The following EI24 variants were observed in gnomAD, a reference collection of about 807,000 sequenced individuals.
EI24 encodes the protein etoposide-induced protein 2.4 homolog.
In EI24, 21 loss-of-function variants were observed where a neutral mutation model predicts 48.6. The ratio of observed to expected loss-of-function variants is 0.43; its 90% confidence interval spans 0.31 to 0.62. The LOEUF (loss-of-function observed/expected upper bound fraction) is 0.62, where lower values mean the gene tolerates loss of function less well. Ranked by LOEUF, EI24 falls within the 20% of genes least tolerant of loss-of-function variation. EI24 has a pLI of 0.10. For synonymous variants in EI24, 114 were observed against 145.5 expected, an observed-to-expected ratio of 0.78 and a Z score of 1.56; for missense variants, 280 against 410.5, an observed-to-expected ratio of 0.68 and a Z score of 2.75.
Position 125,577,562 on chromosome 11 carries a change from G to A in EI24, c.308G>A (p.Arg103Gln), listed in dbSNP as rs751419166. ...CCTGTGCTTCAGTCGGTAACAGCCC[G>A]AATTATCGGTAAGTGTATACCCTGC... Reference protein sequence around the residue: ...FIPVLQSVTARIIGDPSLHGD... With the variant: ...FIPVLQSVTAQIIGDPSLHGD... Residue 103 changes from arginine to glutamine, a missense_variant, in exon 5 of 11, where the codon CGA becomes CAA. Physicochemically the swap from Arg to Gln is conservative, Grantham distance 43. Around this residue, in one of 3 missense-constraint regions of EI24, gnomAD observed 204 missense variants for 294.1 expected, o/e 0.69. Transcript: ENST00000278903. 2.5e-5 allele frequency: 40 copies of A among 1,613,432 alleles called. No homozygotes were observed. Among genetic ancestry groups the A allele is most frequent in the South Asian group, 5.5e-5 (5 of 91,050 alleles).
intron 3 of EI24, 91 bp downstream of exon 3, chr11:125,575,499 T>C: frequency 7.4e-7 from 1 of 1,354,742 alleles, no homozygotes; most frequent in Middle Eastern, 2.0e-4. Context: ...ATTTCTTTTG[T>C]GCTTTTTCCC....
rs1938864123 is a variant in EI24, at chr11:125,578,800, G to A, written c.442-149G>A. On this transcript the variant is annotated intron_variant, in intron 6 of 10. Coordinates refer to ENST00000278903, the MANE Select transcript of EI24 (RefSeq NM_004879.5). ...CCTACCTTAGCCTCCTGAGTAGCTGGGACTATAGGCACATGCCATCGTGCC... is the reference window on the plus strand; with the variant it reads ...CCTACCTTAGCCTCCTGAGTAGCTGAGACTATAGGCACATGCCATCGTGCC... 10 of 941,662 alleles carry A rather than the reference G, an allele frequency of 1.1e-5. No homozygotes were observed. The South Asian group carries it at 1.6e-4, about 15-fold the overall frequency. The allele number at this position is 941,662 out of a possible 1,614,324, so 58.3% of individuals were successfully genotyped here. A position where few individuals can be genotyped will look rare whatever the true frequency, so the allele number is the denominator to read the frequency against.
Position 125,581,182 on chromosome 11 carries a change from A to G in EI24, c.674-29A>G, listed in dbSNP as rs781027652. The G allele has an allele frequency of 5.4e-6, 8 of 1,494,490 alleles. No individual in the cohort carries two copies. The Admixed American group carries it at 1.4e-4, about 26-fold the overall frequency. 92.6% of individuals were successfully genotyped at this position (1,494,490 alleles called of 1,614,324 possible). On this transcript the variant is annotated intron_variant, in intron 8 of 10. Transcript: ENST00000278903. ...TCACTTGACTAAAAGGAAATATAAT[A>G]TCTAATTGTATTGGCTTTCTTGTTT...
At position 125,577,561 on chromosome 11, in the gene EI24, C is replaced by T; in HGVS notation, c.307C>T (p.Arg103Ter). 2.5e-6 allele frequency: 4 copies of T among 1,613,550 alleles called. No individual in the cohort carries two copies. Among genetic ancestry groups the T allele is most frequent in the Non-Finnish European group, 3.4e-6 (4 of 1,179,610 alleles). Residue 103 changes from arginine (R) to a stop codon, truncating the protein, a stop_gained, in exon 5 of 11, where the codon CGA (arginine) becomes TGA (stop). Transcript: ENST00000278903. LOFTEE classifies it high-confidence loss of function. Reference protein sequence around the residue: ...FIPVLQSVTARIIGDPSLHGD... With the variant: ...FIPVLQSVTA ...TCCTGTGCTTCAGTCGGTAACAGCC[C>T]GAATTATCGGTAAGTGTATACCCTG...
intron 2 of EI24, among the ~76,000 whole-genome samples, chr11:125,573,095 G>A (rs768607982): frequency 4.0e-5 from 6 of 151,582 alleles, no homozygotes; most frequent in East Asian, 1.9e-4. Context: ...AAGTAGAGAC[G>A]AAGTTTTGGC....
At chr11:125,574,229 G>A (rs560046297) in intron 2 of EI24, among the ~76,000 whole-genome samples, 1 of 151,732 alleles carries the variant, frequency 6.6e-6, no homozygotes, top group Non-Finnish European at 1.5e-5. Flanking sequence ...CTCCAGCCTG[G>A]GCGACAGAGT....
chr11:125,578,865 C>G (rs928528699), intron 6 of EI24, 84 bp from the exon 7 acceptor site: 3 of 1,456,878 alleles, frequency 2.1e-6, no homozygotes, highest in Non-Finnish European at 2.8e-6. Flanking sequence ...ACTGGCAGCT[C>G]TAGTGGCGGA....
chr11:125,575,880 C>G (rs945825461), intron 3 of EI24: 2 of 414,428 alleles, frequency 4.8e-6, no homozygotes, highest in Admixed American at 5.4e-5. Context: ...CCTCTGCCTC[C>G]CAGGTCCAAG....
At chr11:125,580,684 C>T (rs1247692043) in intron 8 of EI24, 1 of 156,924 alleles carries the variant, frequency 6.4e-6, no homozygotes, top group Admixed American at 6.1e-5. Context: ...TTCACTTAGC[C>T]TGTCAGCTTT....
chr11:125,577,388 C>G (rs1938792626), intron 4 of EI24, 116 bp from the exon 5 acceptor site: 2 of 1,044,140 alleles, frequency 1.9e-6, no homozygotes, highest in African/African-American at 3.2e-5. Context: ...CGCGCCCGGC[C>G]TAGGCCTCCT....
chr11:125,580,115 C>T lies in EI24; in HGVS notation c.584C>T (p.Pro195Leu), dbSNP rs914768960. 1.2e-6 allele frequency: 2 copies of T among 1,613,508 alleles called. No individual in the cohort carries two copies. Among genetic ancestry groups the T allele is most frequent in the African/African-American group, 1.3e-5 (1 of 74,926 alleles). Residue 195 changes from proline (P) to leucine (L), a missense_variant, in exon 8 of 11, where the codon CCC becomes CTC. By Grantham distance (98) the Pro-to-Leu change is moderately conservative. This residue lies in a region of EI24 where 204 missense variants were observed against 294.1 expected (regional missense o/e 0.69). Coordinates refer to ENST00000278903, the MANE Select transcript of EI24 (RefSeq NM_004879.5). ...LIQGMFVSLFPIHLVGQLVSL... is the reference protein window; with the variant it reads ...LIQGMFVSLFLIHLVGQLVSL... ...CAGGGAATGTTTGTGAGTCTCTTTC[C>T]CATCCATCTTGTCGGTCAGCTGGTT...
Position 125,581,247 on chromosome 11 carries a change from G to A in EI24, c.710G>A (p.Arg237Lys), listed in dbSNP as rs1052273727. Reference protein sequence around the residue: ...EMHQRLSNIERNWPYYFGFGL... With the variant: ...EMHQRLSNIEKNWPYYFGFGL... ...CACCAGCGGTTGTCTAACATAGAAA[G>A]GAATTGGCCTTACTACTTTGGGTTT... is the stretch of plus-strand genomic sequence containing the variant. The change falls in exon 9 of 11, where the codon AGG (arginine) becomes AAG (lysine). Residue 237 changes from arginine to lysine, a missense_variant. Physicochemically the swap from Arg to Lys is conservative, Grantham distance 26 (BLOSUM62 2). Around this residue, in one of 3 missense-constraint regions of EI24, gnomAD observed 204 missense variants for 294.1 expected, o/e 0.69. Coordinates refer to ENST00000278903, the MANE Select transcript of EI24 (RefSeq NM_004879.5). 2 of 1,612,334 alleles carry A rather than the reference G, an allele frequency of 1.2e-6. No individual in the cohort carries two copies. Among genetic ancestry groups the A allele is most frequent in the Non-Finnish European group, 1.7e-6 (2 of 1,179,014 alleles).
rs1436886093 is a variant in EI24, at chr11:125,575,314, C to T, written c.94C>T (p.Arg32Ter). 4.5e-6 allele frequency: 7 copies of T among 1,561,722 alleles called. No individual in the cohort carries two copies. The highest frequency in any genetic ancestry group is 1.7e-6 in the Non-Finnish European group (2 of 1,153,170). ...GICTISKLDARIQQKREEQRR... is the reference protein window; with the variant it reads ...GICTISKLDA ...TTGTACCATCTCAAAGCTAGATGCT[C>T]GAATCCAGCAAAAGAGAGAGGAGCA... Residue 32 changes from arginine (R) to a stop codon, truncating the protein, a stop_gained, in exon 3 of 11, where the codon CGA (arginine) becomes TGA (stop). Transcript: ENST00000278903. LOFTEE classifies it high-confidence loss of function.
chr11:125,571,742 G>T (rs1378922914), intron 1 of EI24, among the ~76,000 whole-genome samples: 1 of 152,124 alleles, frequency 6.6e-6, no homozygotes, highest in African/African-American at 2.4e-5. Flanking sequence ...GCTGGGCGTG[G>T]TGGCGGGTTC....
chr11:125,569,895 T>A (rs1416771937), intron 1 of EI24: 1 of 174,950 alleles, frequency 5.7e-6, no homozygotes, highest in African/African-American at 2.4e-5. Flanking sequence ...TGTGGGGAGA[T>A]GGGCCTGAAT....
At chr11:125,574,558 C>T (rs1037099190) in intron 2 of EI24, among the ~76,000 whole-genome samples, 4 of 152,188 alleles carry the variant, frequency 2.6e-5, no homozygotes, top group African/African-American at 4.8e-5. Flanking sequence ...TTCTAAAATT[C>T]GTTTTGTCTG....
At chr11:125,575,531 T>C (rs1159435818) in intron 3 of EI24, 123 bp downstream of exon 3, 8 of 1,154,794 alleles carry the variant, frequency 6.9e-6, no homozygotes, top group Admixed American at 5.6e-5. Flanking sequence ...GCAAGTGATT[T>C]CCCCCCAACA....
Position 125,576,244 on chromosome 11 carries a change from A to G in EI24, c.189-11A>G, listed in dbSNP as rs753403174. On this transcript the variant is annotated splice_polypyrimidine_tract_variant and intron_variant, in intron 3 of 10. Transcript: ENST00000278903. The stretch of plus-strand genomic sequence containing the variant: ...ATGCTTTATAAACTAAATACATGTG[A>G]TCTTTTCCAGTGAGCCACGTATTGT... The G allele has an allele frequency of 5.5e-5, 88 of 1,612,718 alleles. 1 individual carries two copies. The South Asian group carries it at 9.6e-4, about 18-fold the overall frequency.
At chr11:125,571,072 C>G (rs1366273167) in intron 1 of EI24, among the ~76,000 whole-genome samples, 1 of 152,202 alleles carries the variant, frequency 6.6e-6, no homozygotes, top group East Asian at 1.9e-4. Context: ...GGCAAATTGC[C>G]TTCCTACTGC....
Sources: gnomAD v4.1 joint callset for allele counts (sites outside exome capture counted in the v4.1 genomes callset) on GRCh38, gnomAD v4.1.1 for gene constraint, gnomAD v4.1.1 regional missense constraint, MANE v1.5 for transcripts, NCBI Gene and HGNC (gene_info 2026-07-23, HGNC 2026-07-21) for gene names.